TYW1B: variants seen among roughly 807,000 people sequenced by gnomAD.
The protein encoded by TYW1B is S-adenosyl-L-methionine-dependent tRNA 4-demethylwyosine synthase TYW1B.
In TYW1B, 73 loss-of-function variants were observed where a neutral mutation model predicts 86.9. That is an observed-to-expected ratio of 0.84 (90% confidence interval 0.70 to 1.02). TYW1B has a LOEUF of 1.02. TYW1B is among the 50% of genes least tolerant of loss of function. The pLI is 0.00. For missense variants in TYW1B, 637 were observed against 827.4 expected (o/e 0.77, Z 2.82); for synonymous variants, 248 against 292.8 (o/e 0.85, Z 1.56).
At chr7:72,743,180 G>A (rs1412605830) in intron 8 of TYW1B, among the ~76,000 whole-genome samples, 1 of 152,178 alleles carries the variant, frequency 6.6e-6, no homozygotes, top group Non-Finnish European at 1.5e-5. Flanking sequence ...ATTTAAAGGT[G>A]TCAAACTACA....
rs58325295 is a variant in TYW1B at position 72,596,179 on chromosome 7, C to CAAAAAAA, written c.1786-20467_1786-20461dup. 3.2e-3 allele frequency among the ~76,000 whole-genome samples: 179 copies of CAAAAAAA among 56,412 alleles called. 3 individuals carry two copies. Among genetic ancestry groups the CAAAAAAA allele is most frequent in the Non-Finnish European group, 4.7e-3 (143 of 30,334 alleles). 37.0% of individuals were successfully genotyped at this position (56,412 alleles called of 152,430 possible). A position where few individuals can be genotyped will look rare whatever the true frequency, so the allele number is the denominator to read the frequency against. On this transcript the variant is annotated intron_variant, in intron 13 of 13. Coordinates refer to ENST00000620995, the MANE Select transcript of TYW1B (RefSeq NM_001145440.3). ...CAACAAGAGTGGAAAAACTCTGTCT[C>CAAAAAAA]AAAAAAAAAAAAAAAAAAAAAAAAA... is the stretch of plus-strand genomic sequence containing the variant.
chr7:72,586,188 A>G lies in TYW1B; in HGVS notation c.1786-10469T>C, dbSNP rs534536629. Among the ~76,000 whole-genome samples, 15 of 152,028 alleles carry G rather than the reference A, an allele frequency of 9.9e-5. No homozygotes were observed. In the East Asian group the frequency reaches 2.7e-3, roughly 27 times the overall value. On this transcript the variant is annotated intron_variant, in intron 13 of 13. Coordinates refer to ENST00000620995, the MANE Select transcript of TYW1B (RefSeq NM_001145440.3). ...GGAGAATTCCATGCTTGGAGCTTCC[A>G]GTTGTCCTATCGCAGAGGGGTTATA... is the stretch of plus-strand genomic sequence containing the variant.
chr7:72,738,195 C>G (rs1787234498), intron 8 of TYW1B, among the ~76,000 whole-genome samples: 1 of 151,910 alleles, frequency 6.6e-6, no homozygotes, highest in African/African-American at 2.4e-5. Flanking sequence ...GTTCTTCTGC[C>G]TCAGCCTCCC....
intron 10 of TYW1B, among the ~76,000 whole-genome samples, chr7:72,713,373 GA>G (rs1235749726): frequency 2.1e-5 from 3 of 145,958 alleles, no homozygotes; most frequent in East Asian, 2.0e-4. Context: ...CTCCCATTTG[GA>G]AAAAAAAAAT....
At chr7:72,742,999 G>C (rs1218387986) in intron 8 of TYW1B, among the ~76,000 whole-genome samples, 1 of 152,124 alleles carries the variant, frequency 6.6e-6, no homozygotes, top group Admixed American at 6.6e-5. Context: ...GCCATTAGAT[G>C]GCTAATAGTG....
At position 72,680,404 on chromosome 7, in the gene TYW1B, TG is replaced by T. The variant is rs142164833; in HGVS notation, c.1506+14282del. 6.0e-3 allele frequency among the ~76,000 whole-genome samples: 913 copies of T among 152,270 alleles called. 12 individuals carry two copies. The highest frequency in any genetic ancestry group is 0.021 in the African/African-American group (867 of 41,566). On this transcript the variant is annotated intron_variant, in intron 11 of 13. Coordinates refer to ENST00000620995, the MANE Select transcript of TYW1B (RefSeq NM_001145440.3). ...TCTTCTGGCCTTCATCTTTCTCCCG[TG>T]CTGGATGCTTCCTGCCCTCGAACAT...
intron 11 of TYW1B, among the ~76,000 whole-genome samples, chr7:72,674,544 T>C (rs1373105154): frequency 2.6e-5 from 4 of 152,098 alleles, no homozygotes; most frequent in East Asian, 3.9e-4. Flanking sequence ...TCTTTCCATA[T>C]AGAGAAGCTG....
intron 12 of TYW1B, among the ~76,000 whole-genome samples, chr7:72,622,759 C>T (rs1287757799): frequency 6.6e-6 from 1 of 151,586 alleles, no homozygotes; most frequent in Non-Finnish European, 1.5e-5. Context: ...CAAGTGCACA[C>T]ACCACACACA....
chr7:72,740,102 G>A (rs1353169324), intron 8 of TYW1B, among the ~76,000 whole-genome samples: 5 of 149,976 alleles, frequency 3.3e-5, no homozygotes, highest in Admixed American at 6.7e-5. Flanking sequence ...GTGTGGTGGC[G>A]GGCGCCTGCA....
At chr7:72,721,236 A>C (rs146512951) in intron 9 of TYW1B, among the ~76,000 whole-genome samples, 1 of 152,132 alleles carries the variant, frequency 6.6e-6, no homozygotes, top group South Asian at 2.1e-4. Context: ...TAACAGCATG[A>C]TTTATAATCC....
intron 6 of TYW1B, among the ~76,000 whole-genome samples, chr7:72,788,040 C>T (rs13233462): frequency 0.047 from 7,123 of 151,810 alleles, 499 homozygotes; most frequent in East Asian, 0.32. Flanking sequence ...TGCAGTGGCA[C>T]GATCTCGGCT....
intron 7 of TYW1B, among the ~76,000 whole-genome samples, chr7:72,757,767 A>C (rs1236708360): frequency 6.6e-6 from 1 of 152,196 alleles, no homozygotes; most frequent in Non-Finnish European, 1.5e-5. Flanking sequence ...AAAAGCCACA[A>C]CCTTGAACAA....
intron 6 of TYW1B, among the ~76,000 whole-genome samples, chr7:72,790,636 T>C (rs1788204429): frequency 6.6e-6 from 1 of 152,218 alleles, no homozygotes; most frequent in Non-Finnish European, 1.5e-5. Flanking sequence ...TGCCAGACCC[T>C]GTACACAACT....
intron 11 of TYW1B, among the ~76,000 whole-genome samples, chr7:72,645,467 A>G (rs1293344577): frequency 6.6e-6 from 1 of 152,202 alleles, no homozygotes; most frequent in Non-Finnish European, 1.5e-5. Context: ...GTCCATGTGT[A>G]TATCAAAAAA....
chr7:72,723,991 T>C (rs1786952726), intron 9 of TYW1B, among the ~76,000 whole-genome samples: 1 of 147,860 alleles, frequency 6.8e-6, no homozygotes, highest in African/African-American at 2.5e-5. Context: ...TAATTAGGGT[T>C]TTTTTTTCTT....
At chr7:72,697,694 G>T (rs1554451744) in intron 10 of TYW1B, among the ~76,000 whole-genome samples, 2 of 152,038 alleles carry the variant, frequency 1.3e-5, no homozygotes, top group African/African-American at 4.8e-5. Flanking sequence ...GCACTGCTGG[G>T]AGTAATTAAA....
intron 6 of TYW1B, among the ~76,000 whole-genome samples, chr7:72,785,596 G>A (rs1788115569): frequency 6.6e-6 from 1 of 151,950 alleles, no homozygotes; most frequent in African/African-American, 2.4e-5. Context: ...GCACAGAGGG[G>A]TAAAATAATT....
chr7:72,646,683 C>A (rs1437374318), intron 11 of TYW1B, among the ~76,000 whole-genome samples: 1 of 152,078 alleles, frequency 6.6e-6, no homozygotes, highest in East Asian at 1.9e-4. Context: ...CCTAAAAAGT[C>A]TTTATATGTT....
At chr7:72,746,568 A>G (rs1299602266) in intron 7 of TYW1B, among the ~76,000 whole-genome samples, 1 of 152,194 alleles carries the variant, frequency 6.6e-6, no homozygotes, top group Non-Finnish European at 1.5e-5. Flanking sequence ...ACCTCAATGC[A>G]ATGCAATGGC....
Sources: gnomAD v4.1 joint callset for allele counts (sites outside exome capture counted in the v4.1 genomes callset) on GRCh38, gnomAD v4.1.1 for gene constraint, MANE v1.5 for transcripts, NCBI Gene and HGNC (gene_info 2026-07-23, HGNC 2026-07-21) for gene names.